Variants in PTPRJ observed in about 807,000 individuals in gnomAD.
PTPRJ encodes the protein receptor-type tyrosine-protein phosphatase eta.
A neutral mutation model predicts 141.3 loss-of-function variants in PTPRJ; 129 were observed. The observed-to-expected ratio is 0.91, with a 90% CI of 0.79 to 1.06. PTPRJ has a LOEUF of 1.06. Among genes scored for constraint, PTPRJ ranks in the 50% least tolerant of loss-of-function variants. The pLI is 0.00. For missense variants in PTPRJ, 1,601 were observed against 1,679.7 expected (o/e 0.95, Z 0.82); for synonymous variants, 610 against 640.5 (o/e 0.95, Z 0.72).
At chr11:48,092,294 C>CAAAAAAAAA (rs3971621) in intron 1 of PTPRJ, among the ~76,000 whole-genome samples, 2 of 46,952 alleles carry the variant, frequency 4.3e-5, no homozygotes, top group Non-Finnish European at 7.8e-5. Context: ...GATTTCATCT[C>CAAAAAAAAA]AAAAAAAAAA....
At chr11:48,078,063 CT>C (rs1278824418) in intron 1 of PTPRJ, among the ~76,000 whole-genome samples, 163 of 141,362 alleles carry the variant, frequency 1.2e-3, no homozygotes, top group Middle Eastern at 3.7e-3. Flanking sequence ...TTTTCTTTTT[CT>C]TTTTTTTTTT....
chr11:48,102,667 T>C (rs988993319), intron 1 of PTPRJ, among the ~76,000 whole-genome samples: 3 of 152,222 alleles, frequency 2.0e-5, no homozygotes, highest in Non-Finnish European at 4.4e-5. Context: ...TCCACCTGCC[T>C]CAGCCTCTAA....
chr11:48,163,600 C>G lies in PTPRJ; in HGVS notation c.3701C>G (p.Pro1234Arg). ...DYMKQSPPES[P>R]ILVHCSAGVG... is the part of the protein sequence containing the mutation. ...ATGAAGCAGAGTCCTCCCGAATCGC[C>G]GATTCTGGTGCATTGCAGGTACGCA... The change falls in exon 23 of 25, where the codon CCG becomes CGG. Residue 1234 changes from proline to arginine, a missense_variant. Pro to Arg is a moderately radical substitution (Grantham distance 103, BLOSUM62 -2). Coordinates refer to ENST00000418331, the MANE Select transcript of PTPRJ (RefSeq NM_002843.4). 1.2e-6 allele frequency: 2 copies of G among 1,613,746 alleles called. No homozygotes were observed. The highest frequency in any genetic ancestry group is 1.7e-6 in the Non-Finnish European group (2 of 1,179,670).
chr11:48,112,286 G>A (rs894484013), intron 2 of PTPRJ, among the ~76,000 whole-genome samples: 7 of 152,190 alleles, frequency 4.6e-5, no homozygotes, highest in African/African-American at 1.7e-4. Context: ...GTTCCCAACA[G>A]CTATGCATAT....
At chr11:48,145,201 C>G in intron 14 of PTPRJ, 77 bp downstream of exon 14, 1 of 1,586,184 alleles carries the variant, frequency 6.3e-7, no homozygotes, top group Non-Finnish European at 8.6e-7. Context: ...CAGCTGTGTA[C>G]ATGCCTCCCT....
Position 48,098,517 on chromosome 11 carries a change from C to T in PTPRJ, c.97-11541C>T, listed in dbSNP as rs1323911651. 8.3e-5 allele frequency among the ~76,000 whole-genome samples: 3 copies of T among 36,352 alleles called. 1 individual carries two copies. The highest frequency in any genetic ancestry group is 1.7e-4 in the African/African-American group (3 of 17,248). The allele number at this position is 36,352 out of a possible 152,430, so 23.8% of individuals were successfully genotyped here. A position where few individuals can be genotyped will look rare whatever the true frequency, so the allele number is the denominator to read the frequency against. ...ACCCACATTTCAAATCATTTTATCTCTTTTTTTTTTTTTTTTTTTTTGAGA... is the reference window on the plus strand; with the variant it reads ...ACCCACATTTCAAATCATTTTATCTTTTTTTTTTTTTTTTTTTTTTTGAGA... On this transcript the variant is annotated intron_variant, in intron 1 of 24. Coordinates refer to ENST00000418331, the MANE Select transcript of PTPRJ (RefSeq NM_002843.4).
intron 11 of PTPRJ, among the ~76,000 whole-genome samples, chr11:48,141,441 C>G (rs775501140): frequency 1.3e-5 from 2 of 151,988 alleles, no homozygotes; most frequent in Non-Finnish European, 2.9e-5. Context: ...GTATTTGAGA[C>G]CAACTCTGGG....
At chr11:48,049,570 C>T (rs111613704) in intron 1 of PTPRJ, among the ~76,000 whole-genome samples, 3,304 of 151,648 alleles carry the variant, frequency 0.022, 116 homozygotes, top group African/African-American at 0.076. Flanking sequence ...CAAAACAAGT[C>T]GGGTGTGGTG....
chr11:48,039,989 A>G (rs1208696081), intron 1 of PTPRJ, among the ~76,000 whole-genome samples: 3 of 152,114 alleles, frequency 2.0e-5, no homozygotes, highest in African/African-American at 7.2e-5. Context: ...TGGTTTCACC[A>G]TGTTGGGCAG....
intron 16 of PTPRJ, 148 bp downstream of exon 16, chr11:48,149,636 T>G (rs1303380524): frequency 1.7e-6 from 1 of 585,454 alleles, no homozygotes; most frequent in Non-Finnish European, 2.9e-6. Flanking sequence ...TAGCTCTGTT[T>G]TCTGCAAGGA....
At chr11:48,031,965 C>CT (rs1165496029) in intron 1 of PTPRJ, among the ~76,000 whole-genome samples, 1 of 152,168 alleles carries the variant, frequency 6.6e-6, no homozygotes, top group African/African-American at 2.4e-5. Context: ...AACGTTAGAG[C>CT]TTAGCATCAT....
At chr11:48,045,782 C>T (rs1407613397) in intron 1 of PTPRJ, among the ~76,000 whole-genome samples, 1 of 152,184 alleles carries the variant, frequency 6.6e-6, no homozygotes, top group South Asian at 2.1e-4. Flanking sequence ...TGCACCCCTG[C>T]CCTGCTGCCT....
At chr11:48,061,659 G>T (rs1442863636) in intron 1 of PTPRJ, among the ~76,000 whole-genome samples, 1 of 152,154 alleles carries the variant, frequency 6.6e-6, no homozygotes, top group East Asian at 1.9e-4. Context: ...TCTCTGTTAT[G>T]TACCTCTCAC....
At chr11:48,150,383 G>A (rs369886870) in intron 18 of PTPRJ, among the ~76,000 whole-genome samples, 200 bp downstream of exon 18, 4 of 152,278 alleles carry the variant, frequency 2.6e-5, no homozygotes, top group African/African-American at 9.6e-5. Context: ...TCAAAGCCAG[G>A]TATGAACTCA....
intron 1 of PTPRJ, among the ~76,000 whole-genome samples, chr11:48,026,507 G>C (rs540528444): frequency 6.6e-6 from 1 of 150,752 alleles, no homozygotes; most frequent in East Asian, 1.9e-4. Context: ...TTGAGACGGA[G>C]TTTCGCTCTT....
chr11:48,007,294 A>G (rs1166428201), intron 1 of PTPRJ, among the ~76,000 whole-genome samples: 1 of 148,792 alleles, frequency 6.7e-6, no homozygotes, highest in African/African-American at 2.5e-5. Context: ...TTTTTTTAGT[A>G]GAGATGGGTT....
chr11:48,137,306 T>C, intron 10 of PTPRJ, 25 bp downstream of exon 10: 1 of 1,604,036 alleles, frequency 6.2e-7, no homozygotes, highest in Non-Finnish European at 8.5e-7. Context: ...AACTGCCTCT[T>C]GGACTCCTCC....
chr11:48,130,350 G>A (rs1856942985), intron 7 of PTPRJ, 109 bp from the exon 8 acceptor site: 9 of 1,114,742 alleles, frequency 8.1e-6, no homozygotes, highest in Non-Finnish European at 1.1e-5. Flanking sequence ...ACAGAGAGAG[G>A]GATCAGGTGT....
Position 48,050,391 on chromosome 11 carries a change from C to T in PTPRJ, c.97-59667C>T, listed in dbSNP as rs557142420. 9.9e-4 allele frequency among the ~76,000 whole-genome samples: 151 copies of T among 152,220 alleles called. 1 individual carries two copies. The highest frequency in any genetic ancestry group is 3.3e-3 in the African/African-American group (138 of 41,524). ...CCACCAGAGTGGAACAATCAATGAA[C>T]GTACATTGACATATCACTATCACAC... On this transcript the variant is annotated intron_variant, in intron 1 of 24. Coordinates refer to ENST00000418331, the MANE Select transcript of PTPRJ (RefSeq NM_002843.4).
Sources: allele counts gnomAD v4.1 joint callset (sites outside exome capture counted in the v4.1 genomes callset), GRCh38; gene constraint gnomAD v4.1.1; transcripts MANE v1.5; gene names NCBI Gene and HGNC (gene_info 2026-07-23, HGNC 2026-07-21).